Variants in SH2D4A observed in about 807,000 individuals in gnomAD.
The protein encoded by SH2D4A is SH2 domain-containing protein 4A.
A neutral mutation model predicts 64.7 loss-of-function variants in SH2D4A; 70 were observed. The ratio of observed to expected loss-of-function variants is 1.08; its 90% CI spans 0.89 to 1.32. SH2D4A has a LOEUF of 1.32. Ranked by LOEUF, SH2D4A falls within the 40% of genes most tolerant of loss-of-function variation. The pLI is 0.00. For synonymous variants in SH2D4A, 268 were observed against 200.7 expected, an observed-to-expected ratio of 1.34 and a Z score of -2.83; for missense variants, 706 against 540.1, an observed-to-expected ratio of 1.31 and a Z score of -3.04.
chr8:19,348,828 C>T (rs2052653621), intron 4 of SH2D4A, among the ~76,000 whole-genome samples: 2 of 151,992 alleles, frequency 1.3e-5, no homozygotes, highest in Non-Finnish European at 2.9e-5. Flanking sequence ...GGTGAGTAGG[C>T]GGGGTTGAGA....
intron 7 of SH2D4A, among the ~76,000 whole-genome samples, chr8:19,367,601 G>C (rs957582244): frequency 6.6e-6 from 1 of 152,016 alleles, no homozygotes; most frequent in African/African-American, 2.4e-5. Flanking sequence ...TTGCTATTGA[G>C]TTTGAGTTCC....
intron 8 of SH2D4A, among the ~76,000 whole-genome samples, chr8:19,385,642 C>T (rs2053376978): frequency 6.6e-6 from 1 of 152,148 alleles, no homozygotes; most frequent in African/African-American, 2.4e-5. Context: ...TGTCCCACTC[C>T]TCCCAACTTC....
At chr8:19,363,570 A>G (rs2176926) in intron 6 of SH2D4A, among the ~76,000 whole-genome samples, 2,152 of 152,176 alleles carry the variant, frequency 0.014, 75 homozygotes, top group East Asian at 0.13. Context: ...TTTGTCTGTC[A>G]GGTTGCTTCT....
intron 2 of SH2D4A, among the ~76,000 whole-genome samples, chr8:19,322,264 T>C (rs1170362454): frequency 6.6e-6 from 1 of 152,168 alleles, no homozygotes; most frequent in Non-Finnish European, 1.5e-5. Flanking sequence ...GCTGCAGACC[T>C]GCTAAGCCCA....
chr8:19,324,938 C>A (rs1274750706), intron 2 of SH2D4A, among the ~76,000 whole-genome samples: 1 of 152,148 alleles, frequency 6.6e-6, no homozygotes, highest in African/African-American at 2.4e-5. Flanking sequence ...GAAACATCAC[C>A]TTCATGCCAG....
chr8:19,370,464 G>T (rs1267620342), intron 7 of SH2D4A, among the ~76,000 whole-genome samples: 1 of 151,942 alleles, frequency 6.6e-6, no homozygotes, highest in Non-Finnish European at 1.5e-5. Flanking sequence ...TTGCTGTATT[G>T]AACTCTTTAT....
chr8:19,326,667 T>C (rs1315414795), intron 2 of SH2D4A, among the ~76,000 whole-genome samples: 1 of 152,160 alleles, frequency 6.6e-6, no homozygotes, highest in Admixed American at 6.5e-5. Flanking sequence ...TGTGTGAGTG[T>C]GTGTGTGTGT....
chr8:19,346,568 G>A (rs1199342831), intron 4 of SH2D4A, among the ~76,000 whole-genome samples: 1 of 152,178 alleles, frequency 6.6e-6, no homozygotes, highest in Non-Finnish European at 1.5e-5. Flanking sequence ...TAAATGTAAT[G>A]CACTTGAATC....
At chr8:19,386,443 A>G (rs923229303) in intron 8 of SH2D4A, among the ~76,000 whole-genome samples, 6 of 152,224 alleles carry the variant, frequency 3.9e-5, no homozygotes, top group African/African-American at 1.4e-4. Context: ...GGAATAGCCC[A>G]TTAGCTCCAG....
chr8:19,318,966 T>C (rs1160421288), intron 1 of SH2D4A, among the ~76,000 whole-genome samples: 2 of 152,174 alleles, frequency 1.3e-5, no homozygotes, highest in Non-Finnish European at 2.9e-5. Context: ...GAGAGCCTTT[T>C]AATTTCTTCC....
intron 4 of SH2D4A, among the ~76,000 whole-genome samples, chr8:19,351,389 G>A (rs573989143): frequency 6.6e-6 from 1 of 152,230 alleles, no homozygotes. Context: ...GGATCACAAG[G>A]TCAGGAGATG....
chr8:19,356,499 C>T (rs1445924391), intron 4 of SH2D4A, among the ~76,000 whole-genome samples: 3 of 152,190 alleles, frequency 2.0e-5, no homozygotes, highest in African/African-American at 7.2e-5. Context: ...GCTCTGCACT[C>T]CAGCCAGGGA....
At chr8:19,342,678 A>G (rs2052547225) in intron 4 of SH2D4A, among the ~76,000 whole-genome samples, 1 of 152,144 alleles carries the variant, frequency 6.6e-6, no homozygotes, top group Non-Finnish European at 1.5e-5. Flanking sequence ...CTTCTACCTT[A>G]TTCAGGTCCC....
intron 8 of SH2D4A, among the ~76,000 whole-genome samples, chr8:19,379,166 A>G (rs1175591604): frequency 1.3e-5 from 2 of 151,990 alleles, no homozygotes; most frequent in Non-Finnish European, 2.9e-5. Context: ...CCCATTTAAT[A>G]ATGCTCCATT....
chr8:19,361,176 G>T (rs1157546475), intron 5 of SH2D4A, 27 bp from the exon 6 acceptor site: 31 of 1,292,060 alleles, frequency 2.4e-5, no homozygotes, highest in Non-Finnish European at 2.9e-5. Flanking sequence ...TTTTGTTTTT[G>T]TTTTTTTTTG....
chr8:19,388,548 G>T (rs999527661), intron 8 of SH2D4A, among the ~76,000 whole-genome samples: 1 of 152,166 alleles, frequency 6.6e-6, no homozygotes, highest in Admixed American at 6.5e-5. Flanking sequence ...ATCTATGTAG[G>T]GTTGCGGTGA....
chr8:19,361,202 G>C lies in SH2D4A; in HGVS notation c.595-1G>C, dbSNP rs747601613. 3 of 1,472,148 alleles carry C rather than the reference G, an allele frequency of 2.0e-6. No homozygotes were observed. The South Asian group carries it at 3.6e-5, about 18-fold the overall frequency. 91.2% of individuals were successfully genotyped at this position (1,472,148 alleles called of 1,614,324 possible). On this transcript the variant is annotated splice_acceptor_variant, in intron 5 of 9. Transcript: ENST00000265807. LOFTEE classifies it high-confidence loss of function. ...TTTTTTTTTGTTTTGTTTTTAAACAGAAGAAAGAATCTATGAAGAAAAAAC... is the reference window on the plus strand; with the variant it reads ...TTTTTTTTTGTTTTGTTTTTAAACACAAGAAAGAATCTATGAAGAAAAAAC...
In SH2D4A at chr8:19,394,641, G is replaced by A. The variant is rs1554489365; in HGVS notation, c.1364G>A (p.Ter455=). 4 of 1,604,948 alleles carry A rather than the reference G, an allele frequency of 2.5e-6. No homozygotes were observed. Among genetic ancestry groups the A allele is most frequent in the Non-Finnish European group, 2.6e-6 (3 of 1,173,990 alleles). The change falls in exon 10 of 10, where the codon TGA becomes TAA. Residue 455 remains the stop codon, a stop_retained_variant. Coordinates refer to ENST00000265807, the MANE Select transcript of SH2D4A (RefSeq NM_022071.4). ...QLPDYLELFE[*] is the part of the protein sequence containing the mutation. Reference sequence around the variant, plus strand: ...CCTGACTACCTGGAGCTGTTTGAGTGACAGCCTCCATCAGGGTCATCCTAC... The same window carrying A: ...CCTGACTACCTGGAGCTGTTTGAGTAACAGCCTCCATCAGGGTCATCCTAC...
chr8:19,363,264 T>C (rs765792029), intron 6 of SH2D4A, among the ~76,000 whole-genome samples: 10 of 151,674 alleles, frequency 6.6e-5, no homozygotes, highest in Non-Finnish European at 1.2e-4. Context: ...TGTAGTAGAG[T>C]TGGGGTTTCA....
Sources: allele counts gnomAD v4.1 joint callset (sites outside exome capture counted in the v4.1 genomes callset), GRCh38; gene constraint gnomAD v4.1.1; transcripts MANE v1.5; gene names NCBI Gene and HGNC (gene_info 2026-07-23, HGNC 2026-07-21).